GRIK2: variants seen among roughly 807,000 people sequenced by gnomAD.
GRIK2 encodes glutamate receptor ionotropic, kainate 2.
GRIK2 carries 32 observed loss-of-function variants against 100.3 expected under a neutral mutation model. The observed-to-expected ratio is 0.32, with a 90% CI of 0.24 to 0.43. The LOEUF is 0.43. Among genes scored for constraint, GRIK2 ranks in the 20% least tolerant of loss-of-function variants. The pLI is 1.00. For synonymous variants in GRIK2, 417 were observed against 389.4 expected (o/e 1.07, Z -0.83); for missense variants, 843 against 1,114.9 (o/e 0.76, Z 3.47).
chr6:101,567,008 A>C (rs1446713545), intron 2 of GRIK2, among the ~76,000 whole-genome samples: 2 of 151,234 alleles, frequency 1.3e-5, no homozygotes, highest in African/African-American at 2.4e-5. Context: ...CTATTAAATA[A>C]AAATTTCTTT....
At chr6:101,937,048 A>G (rs1347763110) in intron 14 of GRIK2, among the ~76,000 whole-genome samples, 1 of 152,168 alleles carries the variant, frequency 6.6e-6, no homozygotes, top group Non-Finnish European at 1.5e-5. Flanking sequence ...CCTCTCTAAA[A>G]TATCTAAGGG....
intron 12 of GRIK2, among the ~76,000 whole-genome samples, chr6:101,915,704 T>A (rs1440671909): frequency 1.3e-5 from 2 of 151,382 alleles, no homozygotes; most frequent in African/African-American, 2.4e-5. Flanking sequence ...GTGAGTTTGA[T>A]ATGGTGCCTT....
At chr6:101,556,630 C>A (rs1302948169) in intron 2 of GRIK2, among the ~76,000 whole-genome samples, 1 of 151,984 alleles carries the variant, frequency 6.6e-6, no homozygotes, top group Non-Finnish European at 1.5e-5. Flanking sequence ...TTACCCTATG[C>A]TACATTTCTT....
chr6:102,022,902 T>G lies in GRIK2; in HGVS notation c.2086-12439T>G, dbSNP rs13191478. On this transcript the variant is annotated intron_variant, in intron 14 of 16. Transcript: ENST00000369134. ...TTCTATCTTAAGAGTAACAGAGCTT[T>G]ATAAGTGAGTTAATAAAGTAAGAGT... is the stretch of plus-strand genomic sequence containing the variant. Among the ~76,000 whole-genome samples, 3 of 151,392 alleles carry G rather than the reference T, an allele frequency of 2.0e-5. No homozygotes were observed. The South Asian group carries it at 6.2e-4, about 31-fold the overall frequency.
chr6:101,406,001 C>T (rs964808013), intron 2 of GRIK2, among the ~76,000 whole-genome samples: 1 of 152,174 alleles, frequency 6.6e-6, no homozygotes, highest in Non-Finnish European at 1.5e-5. Flanking sequence ...ACCTTCTCGC[C>T]CATTCACATT....
chr6:101,748,244 T>G (rs992406404), intron 7 of GRIK2, among the ~76,000 whole-genome samples: 1 of 152,178 alleles, frequency 6.6e-6, no homozygotes, highest in Non-Finnish European at 1.5e-5. Flanking sequence ...TAGACTAAGA[T>G]GCATTCTCTG....
At chr6:101,514,547 T>C (rs996415284) in intron 2 of GRIK2, among the ~76,000 whole-genome samples, 1 of 152,150 alleles carries the variant, frequency 6.6e-6, no homozygotes, top group Non-Finnish European at 1.5e-5. Flanking sequence ...TTAGGGTTAA[T>C]AGTAAAAAGC....
At chr6:101,638,631 A>C (rs753427813) in intron 4 of GRIK2, among the ~76,000 whole-genome samples, 1 of 152,166 alleles carries the variant, frequency 6.6e-6, no homozygotes, top group Non-Finnish European at 1.5e-5. Flanking sequence ...TTTGATGATG[A>C]GTTTTGGGAA....
intron 2 of GRIK2, among the ~76,000 whole-genome samples, chr6:101,589,404 C>T (rs1202965931): frequency 6.6e-6 from 1 of 152,098 alleles, no homozygotes; most frequent in African/African-American, 2.4e-5. Context: ...ACTTTTTCCA[C>T]CTATCGGAAG....
At chr6:101,586,921 A>G (rs1258948063) in intron 2 of GRIK2, among the ~76,000 whole-genome samples, 2 of 149,044 alleles carry the variant, frequency 1.3e-5, no homozygotes, top group Non-Finnish European at 3.0e-5. Context: ...AAAGAGAGAT[A>G]TCAAAAACAG....
intron 12 of GRIK2, among the ~76,000 whole-genome samples, chr6:101,918,617 T>C (rs992491775): frequency 3.3e-5 from 5 of 151,788 alleles, no homozygotes; most frequent in Non-Finnish European, 5.9e-5. Context: ...ATGCTGAGTT[T>C]TCCCGCCTCC....
chr6:101,922,817 C>G (rs966257423), intron 12 of GRIK2, among the ~76,000 whole-genome samples: 1 of 151,990 alleles, frequency 6.6e-6, no homozygotes, highest in Non-Finnish European at 1.5e-5. Flanking sequence ...TAATTTAAAG[C>G]GGTAATATTT....
At chr6:101,683,582 T>C (rs1276303584) in intron 6 of GRIK2, among the ~76,000 whole-genome samples, 1 of 152,214 alleles carries the variant, frequency 6.6e-6, no homozygotes, top group Non-Finnish European at 1.5e-5. Context: ...ATGTCCCAAA[T>C]ATGAGTATCT....
Position 101,947,709 on chromosome 6 carries a change from C to T in GRIK2, c.2085+19077C>T, listed in dbSNP as rs1271943860. Among the ~76,000 whole-genome samples, 3 of 152,234 alleles carry T rather than the reference C, an allele frequency of 2.0e-5. No homozygotes were observed. The East Asian group carries it at 5.8e-4, about 29-fold the overall frequency. ...ACTGAAAGCCTGCCTCTTATTATAA[C>T]AAAGGCATTAATTAGACATGAGAGG... On this transcript the variant is annotated intron_variant, in intron 14 of 16. Transcript: ENST00000369134.
chr6:101,503,893 G>C (rs888819933), intron 2 of GRIK2, among the ~76,000 whole-genome samples: 2 of 152,126 alleles, frequency 1.3e-5, no homozygotes, highest in Admixed American at 1.3e-4. Context: ...GTTGTGGGAA[G>C]ACAAGGTAGG....
intron 2 of GRIK2, among the ~76,000 whole-genome samples, chr6:101,467,838 T>C (rs1179878563): frequency 6.6e-6 from 1 of 152,096 alleles, no homozygotes; most frequent in Non-Finnish European, 1.5e-5. Context: ...ATCTAGATTT[T>C]ATTTCATTTA....
chr6:101,676,359 A>G lies in GRIK2; in HGVS notation c.542-264A>G, dbSNP rs113844350. 3.4e-3 allele frequency among the ~76,000 whole-genome samples: 513 copies of G among 152,260 alleles called. 1 individual carries two copies. The highest frequency in any genetic ancestry group is 0.012 in the African/African-American group (499 of 41,572). On this transcript the variant is annotated intron_variant, in intron 4 of 16. Coordinates refer to ENST00000369134, the MANE Select transcript of GRIK2 (RefSeq NM_021956.5). ...AATTTGAGAAATGTTTATTTTAACA[A>G]AAATAACAGAGGATATGGAATTGTT...
intron 10 of GRIK2, among the ~76,000 whole-genome samples, chr6:101,843,899 T>G (rs190768633): frequency 2.0e-5 from 3 of 152,316 alleles, no homozygotes; most frequent in Non-Finnish European, 4.4e-5. Flanking sequence ...GGCATATACT[T>G]ACCTATTTAC....
intron 10 of GRIK2, among the ~76,000 whole-genome samples, chr6:101,837,880 T>G (rs150169442): frequency 1.3e-5 from 2 of 152,142 alleles, no homozygotes; most frequent in Non-Finnish European, 2.9e-5. Flanking sequence ...TTATATTTAG[T>G]GTCAATTCTT....
Sources: gnomAD v4.1 joint callset for allele counts (sites outside exome capture counted in the v4.1 genomes callset) on GRCh38, gnomAD v4.1.1 for gene constraint, MANE v1.5 for transcripts, NCBI Gene and HGNC (gene_info 2026-07-23, HGNC 2026-07-21) for gene names.